Variants in ERC2 observed in about 807,000 individuals in gnomAD.
The protein encoded by ERC2 is ELKS/RAB6-interacting/CAST family member 2, also known as ERC protein 2.
Under a neutral mutation model 114.8 loss-of-function variants are expected in ERC2, and 42 were observed. The ratio of observed to expected loss-of-function variants is 0.37; its 90% confidence interval spans 0.29 to 0.47. ERC2 has a LOEUF of 0.47. ERC2 is among the 20% of genes least tolerant of loss of function. ERC2 has a pLI of 0.99. For missense variants in ERC2, 939 were observed against 1,150.7 expected, an observed-to-expected ratio of 0.82 and a Z score of 2.66; for synonymous variants, 454 against 425.5, an observed-to-expected ratio of 1.07 and a Z score of -0.82.
At chr3:55,818,442 T>C (rs2059987127) in intron 14 of ERC2, among the ~76,000 whole-genome samples, 1 of 152,204 alleles carries the variant, frequency 6.6e-6, no homozygotes, top group Non-Finnish European at 1.5e-5. Context: ...ATTCAGCAAT[T>C]ATCAAATGCT....
intron 13 of ERC2, among the ~76,000 whole-genome samples, chr3:55,924,625 C>T (rs1369326731): frequency 6.6e-6 from 1 of 151,956 alleles, no homozygotes; most frequent in East Asian, 1.9e-4. Flanking sequence ...GAACTCCAAG[C>T]AGAAGGTGGA....
intron 3 of ERC2, among the ~76,000 whole-genome samples, chr3:56,261,296 A>T (rs1327722667): frequency 6.6e-6 from 1 of 152,180 alleles, no homozygotes; most frequent in East Asian, 1.9e-4. Flanking sequence ...ATATTTAATA[A>T]TTGAGATTAT....
At chr3:55,979,094 C>T (rs1281115632) in intron 12 of ERC2, among the ~76,000 whole-genome samples, 1 of 152,176 alleles carries the variant, frequency 6.6e-6, no homozygotes, top group South Asian at 2.1e-4. Flanking sequence ...ATAACCAACT[C>T]ATTCTCTCCA....
intron 16 of ERC2, among the ~76,000 whole-genome samples, chr3:55,690,308 G>T (rs2062573104): frequency 1.3e-5 from 2 of 152,098 alleles, no homozygotes; most frequent in Admixed American, 1.3e-4. Flanking sequence ...AGTCAAACAT[G>T]ATCCCTATTA....
chr3:56,123,692 T>C (rs965947905), intron 6 of ERC2, among the ~76,000 whole-genome samples: 3 of 152,160 alleles, frequency 2.0e-5, no homozygotes, highest in African/African-American at 7.2e-5. Flanking sequence ...GTCAGAGTGG[T>C]TGGTCTTTTA....
Position 56,125,583 on chromosome 3 carries a change from G to A in ERC2, c.1473+13926C>T, listed in dbSNP as rs114611443. ...CTGGCTAGATTGAAAAAAGATTTCCGAAAGTTTCAACATAAAAAGCCCAAC... is the reference window on the plus strand; with the variant it reads ...CTGGCTAGATTGAAAAAAGATTTCCAAAAGTTTCAACATAAAAAGCCCAAC... On this transcript the variant is annotated intron_variant, in intron 6 of 17. Coordinates refer to ENST00000288221, the MANE Select transcript of ERC2 (RefSeq NM_015576.3). 2.9e-3 allele frequency among the ~76,000 whole-genome samples: 449 copies of A among 152,236 alleles called. 2 individuals are homozygous for A. The highest frequency in any genetic ancestry group is 0.02 in the Middle Eastern group (6 of 294).
intron 13 of ERC2, among the ~76,000 whole-genome samples, chr3:55,920,732 G>C (rs1021063697): frequency 6.6e-6 from 1 of 152,106 alleles, no homozygotes; most frequent in Non-Finnish European, 1.5e-5. Context: ...TAGAGCACGT[G>C]ATTCTGCAAA....
chr3:55,617,028 G>A (rs968021093), intron 17 of ERC2, among the ~76,000 whole-genome samples: 4 of 152,232 alleles, frequency 2.6e-5, no homozygotes, highest in African/African-American at 9.6e-5. Flanking sequence ...TGGAAGGCAG[G>A]GTGTGAGAAA....
At chr3:56,261,467 C>G (rs2052923162) in intron 3 of ERC2, among the ~76,000 whole-genome samples, 1 of 152,128 alleles carries the variant, frequency 6.6e-6, no homozygotes, top group Non-Finnish European at 1.5e-5. Context: ...CCCTGAACTT[C>G]CTCTGATCCT....
intron 17 of ERC2, among the ~76,000 whole-genome samples, chr3:55,618,384 G>T (rs1670528281): frequency 6.6e-6 from 1 of 152,148 alleles, no homozygotes; most frequent in African/African-American, 2.4e-5. Flanking sequence ...TTATTCCAAA[G>T]AAATTATTGG....
chr3:55,525,929 T>A (rs1458733836), intron 17 of ERC2, among the ~76,000 whole-genome samples: 2 of 152,198 alleles, frequency 1.3e-5, no homozygotes, highest in Non-Finnish European at 2.9e-5. Flanking sequence ...TCCTAACCGC[T>A]AGTAAATGTG....
At chr3:55,763,259 T>C (rs1290455465) in intron 14 of ERC2, among the ~76,000 whole-genome samples, 1 of 152,196 alleles carries the variant, frequency 6.6e-6, no homozygotes, top group Non-Finnish European at 1.5e-5. Context: ...TGATGAGACA[T>C]GAAAGCGTTT....
chr3:55,838,238 AACAAC>A (rs1319954563), intron 14 of ERC2, among the ~76,000 whole-genome samples: 5 of 152,082 alleles, frequency 3.3e-5, no homozygotes, highest in Non-Finnish European at 7.4e-5. Flanking sequence ...CACTCCACTC[AACAAC>A]AGCAGAATAC....
intron 3 of ERC2, among the ~76,000 whole-genome samples, chr3:56,186,140 AAAAAG>A (rs1432240091): frequency 1.5e-5 from 2 of 130,254 alleles, no homozygotes; most frequent in African/African-American, 2.8e-5. Context: ...AAAAAAAAAA[AAAAAG>A]AGCACAGCCC....
intron 14 of ERC2, among the ~76,000 whole-genome samples, chr3:55,874,088 GAGCAGTTGCAACA>G (rs1479957615): frequency 1.3e-5 from 2 of 152,198 alleles, no homozygotes; most frequent in Admixed American, 6.5e-5. Context: ...TGTTGCATTA[GAGCAGTTGCAACA>G]AAAAGCTGCA....
intron 17 of ERC2, among the ~76,000 whole-genome samples, chr3:55,653,139 C>A (rs1017879103): frequency 6.6e-6 from 1 of 152,158 alleles, no homozygotes; most frequent in Admixed American, 6.5e-5. Context: ...AAATAACTCA[C>A]ATATAGAAGT....
chr3:56,293,665 C>G (rs948134356), intron 3 of ERC2, among the ~76,000 whole-genome samples: 1 of 152,152 alleles, frequency 6.6e-6, no homozygotes, highest in African/African-American at 2.4e-5. Context: ...TAAGGGCTAC[C>G]TACTCACTTT....
intron 1 of ERC2, among the ~76,000 whole-genome samples, chr3:56,438,513 G>A (rs901219968): frequency 2.0e-5 from 3 of 152,100 alleles, no homozygotes; most frequent in Non-Finnish European, 2.9e-5. Flanking sequence ...GCAGGACCTG[G>A]ACTGAACCTC....
intron 16 of ERC2, among the ~76,000 whole-genome samples, chr3:55,685,755 G>A (rs2062298378): frequency 6.6e-6 from 1 of 152,200 alleles, no homozygotes; most frequent in Admixed American, 6.5e-5. Context: ...AGGATGCTAT[G>A]ATTTGCCAAA....
Sources: gnomAD v4.1 joint callset for allele counts (sites outside exome capture counted in the v4.1 genomes callset) on GRCh38, gnomAD v4.1.1 for gene constraint, MANE v1.5 for transcripts, NCBI Gene and HGNC (gene_info 2026-07-23, HGNC 2026-07-21) for gene names.